Variants in ZNF385D observed in about 807,000 individuals in gnomAD.
ZNF385D encodes zinc finger protein 659.
In ZNF385D, 15 loss-of-function variants were observed where a neutral mutation model predicts 35.8. That is an observed-to-expected ratio of 0.42 (90% CI 0.28 to 0.64). The LOEUF is 0.64. Ranked by LOEUF, ZNF385D falls within the 30% of genes least tolerant of loss-of-function variation. The pLI, the probability that ZNF385D is intolerant of heterozygous loss-of-function variation, is 0.23. For synonymous variants in ZNF385D, 212 were observed against 186.8 expected (o/e 1.13, Z -1.10); for missense variants, 474 against 494.6 (o/e 0.96, Z 0.39).
chr3:21,866,779 T>C (rs1697388449), intron 3 of ZNF385D, among the ~76,000 whole-genome samples: 3 of 152,194 alleles, frequency 2.0e-5, no homozygotes, highest in African/African-American at 7.2e-5. Context: ...TTTAATGCCG[T>C]GCTTTTATCA....
At chr3:22,268,045 G>A (rs1406041680) in intron 2 of ZNF385D, among the ~76,000 whole-genome samples, 3 of 151,858 alleles carry the variant, frequency 2.0e-5, no homozygotes, top group South Asian at 2.1e-4. Flanking sequence ...TGCACTACAA[G>A]AGACCAATTA....
chr3:21,556,699 C>T (rs2062753939), intron 3 of ZNF385D, among the ~76,000 whole-genome samples: 1 of 152,016 alleles, frequency 6.6e-6, no homozygotes, highest in South Asian at 2.1e-4. Flanking sequence ...ATTGTCTTGG[C>T]TAATTCTGTG....
At chr3:22,186,635 G>A (rs1358941507) in intron 2 of ZNF385D, among the ~76,000 whole-genome samples, 1 of 117,582 alleles carries the variant, frequency 8.5e-6, no homozygotes, top group Non-Finnish European at 2.2e-5. Context: ...CAAATGAGCT[G>A]GGTCATAAGA....
At chr3:22,345,287 A>T (rs551703398) in intron 2 of ZNF385D, among the ~76,000 whole-genome samples, 1 of 152,336 alleles carries the variant, frequency 6.6e-6, no homozygotes, top group African/African-American at 2.4e-5. Context: ...AAAGGTTTCC[A>T]ACTCTTCAGT....
At chr3:21,790,752 T>C (rs1409587529) in intron 3 of ZNF385D, among the ~76,000 whole-genome samples, 1 of 152,200 alleles carries the variant, frequency 6.6e-6, no homozygotes, top group Admixed American at 6.5e-5. Flanking sequence ...TATGTTTGAC[T>C]TTTCTCTCTC....
At chr3:22,074,684 G>T (rs1035548043) in intron 3 of ZNF385D, among the ~76,000 whole-genome samples, 3 of 151,716 alleles carry the variant, frequency 2.0e-5, no homozygotes, top group Non-Finnish European at 4.4e-5. Flanking sequence ...CTCCAATGAG[G>T]GGTCATTTGA....
intron 2 of ZNF385D, among the ~76,000 whole-genome samples, chr3:22,368,287 C>T (rs1041214301): frequency 6.6e-6 from 1 of 152,164 alleles, no homozygotes; most frequent in Non-Finnish European, 1.5e-5. Context: ...CTCTTTGAGA[C>T]ATATCCCAAT....
chr3:22,084,638 T>C (rs1034984075), intron 3 of ZNF385D, among the ~76,000 whole-genome samples: 1 of 152,174 alleles, frequency 6.6e-6, no homozygotes, highest in African/African-American at 2.4e-5. Flanking sequence ...TGGGAGACTT[T>C]AACAACCCAC....
intron 3 of ZNF385D, among the ~76,000 whole-genome samples, chr3:22,129,274 C>T (rs1044012300): frequency 5.9e-5 from 9 of 152,128 alleles, no homozygotes; most frequent in Non-Finnish European, 1.3e-4. Context: ...TGGGACTGTG[C>T]CTCGTCATAC....
At chr3:21,769,439 T>A (rs1294376693) in intron 3 of ZNF385D, among the ~76,000 whole-genome samples, 1 of 125,766 alleles carries the variant, frequency 8.0e-6, no homozygotes, top group African/African-American at 3.2e-5. Flanking sequence ...TATACACCAA[T>A]AACAGACACA....
intron 3 of ZNF385D, among the ~76,000 whole-genome samples, chr3:22,058,328 C>A (rs1699515773): frequency 6.6e-6 from 1 of 152,176 alleles, no homozygotes; most frequent in Admixed American, 6.5e-5. Context: ...ATTCAACAAG[C>A]CGCCCCTATT....
At chr3:22,290,685 T>C (rs1383886161) in intron 2 of ZNF385D, among the ~76,000 whole-genome samples, 2 of 152,148 alleles carry the variant, frequency 1.3e-5, no homozygotes, top group African/African-American at 2.4e-5. Flanking sequence ...AAGAACACTT[T>C]CCAGTCCATC....
intron 3 of ZNF385D, among the ~76,000 whole-genome samples, chr3:22,019,034 CTTTTT>C (rs11380195): frequency 1.6e-3 from 100 of 64,434 alleles, no homozygotes; most frequent in African/African-American, 6.4e-3. Flanking sequence ...AGTTATTTAC[CTTTTT>C]TTTTTTTTTT....
intron 4 of ZNF385D, among the ~76,000 whole-genome samples, chr3:21,454,183 C>G (rs1019431592): frequency 6.6e-6 from 1 of 151,740 alleles, no homozygotes; most frequent in Non-Finnish European, 1.5e-5. Context: ...TAGTGGTTGC[C>G]AGGGAATGGG....
intron 2 of ZNF385D, among the ~76,000 whole-genome samples, chr3:22,233,327 TA>T (rs35164314): frequency 0.29 from 44,724 of 151,944 alleles, 9,110 homozygotes; most frequent in African/African-American, 0.58. Flanking sequence ...CACAAAAGGG[TA>T]AGTACTATAT....
intron 3 of ZNF385D, among the ~76,000 whole-genome samples, chr3:21,894,376 A>C (rs1699028516): frequency 6.6e-6 from 1 of 152,208 alleles, no homozygotes; most frequent in African/African-American, 2.4e-5. Context: ...TTATATTGGC[A>C]TAAATGCAAA....
intron 1 of ZNF385D, among the ~76,000 whole-genome samples, chr3:21,672,358 T>C (rs2066601721): frequency 6.6e-6 from 1 of 151,958 alleles, no homozygotes; most frequent in African/African-American, 2.4e-5. Context: ...ATAAAGCTCC[T>C]CATTGACCTA....
chr3:22,268,993 A>C (rs1701037310), intron 2 of ZNF385D, among the ~76,000 whole-genome samples: 1 of 151,974 alleles, frequency 6.6e-6, no homozygotes, highest in East Asian at 1.9e-4. Context: ...AGCTATTATC[A>C]TAAAAGTTCA....
intron 3 of ZNF385D, among the ~76,000 whole-genome samples, chr3:22,118,890 A>G (rs1288272527): frequency 1.3e-5 from 2 of 152,150 alleles, no homozygotes; most frequent in African/African-American, 4.8e-5. Context: ...TTTGTAGATA[A>G]AAGTTTTTAG....
Sources: gnomAD v4.1 joint callset for allele counts (sites outside exome capture counted in the v4.1 genomes callset) on GRCh38, gnomAD v4.1.1 for gene constraint, MANE v1.5 for transcripts, NCBI Gene and HGNC (gene_info 2026-07-23, HGNC 2026-07-21) for gene names.